Variants in SND1 observed in about 807,000 individuals in gnomAD.
SND1 encodes the protein staphylococcal nuclease domain-containing protein 1.
Under a neutral mutation model 121.7 loss-of-function variants are expected in SND1, and 38 were observed. The observed-to-expected ratio is 0.31, with a 90% confidence interval of 0.24 to 0.41. SND1 has a LOEUF of 0.41. Ranked by LOEUF, SND1 falls within the 10% of genes least tolerant of loss-of-function variation. The pLI is 1.00. For missense variants in SND1, 868 were observed against 1,184.6 expected, an observed-to-expected ratio of 0.73 and a Z score of 3.92; for synonymous variants, 401 against 447.4, an observed-to-expected ratio of 0.90 and a Z score of 1.31.
intron 12 of SND1, among the ~76,000 whole-genome samples, chr7:127,865,680 A>G (rs1411349522): frequency 1.3e-5 from 2 of 152,034 alleles, no homozygotes; most frequent in Admixed American, 1.3e-4. Context: ...CAGTGACACA[A>G]TCATGGTTTA....
Position 127,807,548 on chromosome 7 carries a change from TTCGAAAAAAGC to T in SND1, c.1219_1229del (p.Arg407TyrfsTer13). The T allele has an allele frequency of 6.2e-7, 1 of 1,614,032 alleles. No homozygotes were observed. Among genetic ancestry groups the T allele is most frequent in the Non-Finnish European group, 8.5e-7 (1 of 1,179,908 alleles). On this transcript the variant is annotated frameshift_variant, in exon 11 of 24. Transcript: ENST00000354725. LOFTEE classifies it high-confidence loss of function. Reference sequence around the variant, plus strand: ...TACATGTTTGAGGCCCGGGAATTTCTTCGAAAAAAGCTTATTGGGAAGAAGGTAAGTAATTG... The same window carrying T: ...TACATGTTTGAGGCCCGGGAATTTCTTTATTGGGAAGAAGGTAAGTAATTG...
intron 16 of SND1, among the ~76,000 whole-genome samples, chr7:128,024,036 CTG>C: frequency 6.8e-6 from 1 of 146,640 alleles, no homozygotes; most frequent in East Asian, 1.9e-4. Context: ...GCTACAGAGT[CTG>C]TGCTTGTAAG....
intron 16 of SND1, among the ~76,000 whole-genome samples, chr7:128,013,913 C>T (rs1411704354): frequency 6.6e-6 from 1 of 152,178 alleles, no homozygotes; most frequent in Non-Finnish European, 1.5e-5. Flanking sequence ...AGAGAAATAA[C>T]CTATTTGATA....
Position 128,081,398 on chromosome 7 carries a change from G to A in SND1, c.2007G>A (p.Val669=), listed in dbSNP as rs778918594. Residue 669 remains valine, a synonymous_variant, in exon 18 of 24, where the codon GTG becomes GTA. Transcript: ENST00000354725. The part of the protein sequence containing the change: ...AHYEEQPVEE[V]MPVLEEKERS... ...ATGAGGAGCAGCCCGTGGAGGAGGT[G>A]ATGCCAGTGCTGGAGGAGAAGGAGC... 1 of 1,614,100 alleles carries A rather than the reference G, an allele frequency of 6.2e-7. No homozygotes were observed. Among genetic ancestry groups the A allele is most frequent in the African/African-American group, 1.3e-5 (1 of 74,942 alleles).
At chr7:127,666,997 T>C (rs1223497487) in intron 1 of SND1, among the ~76,000 whole-genome samples, 2 of 152,196 alleles carry the variant, frequency 1.3e-5, no homozygotes, top group Non-Finnish European at 2.9e-5. Flanking sequence ...AAAATGTTTA[T>C]GGTAGACCTG....
At chr7:127,707,412 G>T in intron 8 of SND1, 145 bp from the exon 9 acceptor site, 2 of 570,480 alleles carry the variant, frequency 3.5e-6, no homozygotes, top group South Asian at 2.6e-5. Flanking sequence ...ATTTACTCTC[G>T]CTCTTTGTTC....
chr7:127,779,882 T>C (rs1797687991), intron 10 of SND1, among the ~76,000 whole-genome samples: 1 of 152,262 alleles, frequency 6.6e-6, no homozygotes, highest in Non-Finnish European at 1.5e-5. Context: ...GGACCATCTC[T>C]GTGAGGCTTC....
chr7:127,787,197 A>G (rs908554770), intron 10 of SND1, among the ~76,000 whole-genome samples: 2 of 151,866 alleles, frequency 1.3e-5, no homozygotes, highest in African/African-American at 4.8e-5. Flanking sequence ...CTGTCTTTTT[A>G]TGCTTTTTGT....
At chr7:127,976,617 A>G (rs1802126722) in intron 15 of SND1, among the ~76,000 whole-genome samples, 1 of 152,248 alleles carries the variant, frequency 6.6e-6, no homozygotes, top group Non-Finnish European at 1.5e-5. Context: ...ATCAGTGGAA[A>G]GTAAAGGATG....
At chr7:127,983,046 A>C (rs73721269) in intron 15 of SND1, among the ~76,000 whole-genome samples, 250 of 152,362 alleles carry the variant, frequency 1.6e-3, no homozygotes, top group African/African-American at 5.7e-3. Flanking sequence ...TTGGCGCTGA[A>C]GAATTTTTGA....
chr7:127,652,561 C>A, intron 1 of SND1, 110 bp downstream of exon 1: 1 of 885,378 alleles, frequency 1.1e-6, no homozygotes, highest in Non-Finnish European at 1.7e-6. Flanking sequence ...CTTTCCTCTG[C>A]CCCCTTCCTC....
chr7:127,977,508 AAAAG>A (rs1018437678), intron 15 of SND1, among the ~76,000 whole-genome samples: 1 of 152,236 alleles, frequency 6.6e-6, no homozygotes, highest in Non-Finnish European at 1.5e-5. Flanking sequence ...AAATAAAAAA[AAAAG>A]AAAATAAGAA....
chr7:127,828,530 G>A (rs1018817705), intron 11 of SND1, among the ~76,000 whole-genome samples: 1 of 151,884 alleles, frequency 6.6e-6, no homozygotes, highest in African/African-American at 2.4e-5. Flanking sequence ...TTTGAAAGTT[G>A]GTACTTTTGT....
At chr7:127,961,186 T>G (rs1199175517) in intron 15 of SND1, among the ~76,000 whole-genome samples, 2 of 152,250 alleles carry the variant, frequency 1.3e-5, no homozygotes, top group Non-Finnish European at 2.9e-5. Flanking sequence ...GTATAAATAA[T>G]GTAAAATATA....
intron 10 of SND1, among the ~76,000 whole-genome samples, chr7:127,800,106 A>G (rs1303108977): frequency 1.3e-5 from 2 of 152,198 alleles, no homozygotes; most frequent in Non-Finnish European, 2.9e-5. Context: ...AATTGTAAAT[A>G]TGCCCAGGGC....
chr7:127,810,159 ACATCATAAGGAGTATTTTTC>A, intron 11 of SND1, among the ~76,000 whole-genome samples: 1 of 152,312 alleles, frequency 6.6e-6, no homozygotes, highest in East Asian at 1.9e-4. Flanking sequence ...GACTAATCTG[ACATCATAAGGAGTATTTTTC>A]CCTTTCTTTG....
rs148924205 is a variant in SND1, at chr7:127,856,960, G to A, written c.1343+12536G>A. The stretch of plus-strand genomic sequence containing the variant: ...GTGTCACTTAGCACCCTCTGCAGCT[G>A]TGGAAAGATCAGATCATTGAGTGAA... On this transcript the variant is annotated intron_variant, in intron 12 of 23. Coordinates refer to ENST00000354725, the MANE Select transcript of SND1 (RefSeq NM_014390.4). Among the ~76,000 whole-genome samples the A allele has an allele frequency of 7.2e-5, 11 of 152,200 alleles. No homozygotes were observed. The East Asian group carries it at 2.1e-3, about 29-fold the overall frequency.
At chr7:127,717,071 C>T (rs1796404262) in intron 9 of SND1, among the ~76,000 whole-genome samples, 1 of 152,170 alleles carries the variant, frequency 6.6e-6, no homozygotes, top group East Asian at 1.9e-4. Flanking sequence ...TTAGAGACTT[C>T]ATTTTTTAGG....
At chr7:127,851,392 AT>A (rs1799163288) in intron 12 of SND1, among the ~76,000 whole-genome samples, 1 of 152,164 alleles carries the variant, frequency 6.6e-6, no homozygotes, top group African/African-American at 2.4e-5. Context: ...TTCATGTCTC[AT>A]TGTAATGTTT....
Sources: allele counts gnomAD v4.1 joint callset (sites outside exome capture counted in the v4.1 genomes callset), GRCh38; gene constraint gnomAD v4.1.1; transcripts MANE v1.5; gene names NCBI Gene and HGNC (gene_info 2026-07-23, HGNC 2026-07-21).